The following CDKL4 variants were observed in gnomAD, a reference collection of about 807,000 sequenced individuals.
CDKL4 encodes the protein cyclin dependent kinase like 4.
In CDKL4, 44 loss-of-function variants were observed where a neutral mutation model predicts 42.0. The ratio of observed to expected loss-of-function variants is 1.05; its 90% CI spans 0.82 to 1.35. The LOEUF is 1.35. Ranked by LOEUF, CDKL4 falls within the 40% of genes most tolerant of loss-of-function variation. CDKL4 has a pLI of 0.00. For missense variants in CDKL4, 393 were observed against 369.9 expected (o/e 1.06, Z -0.51); for synonymous variants, 120 against 121.6 (o/e 0.99, Z 0.09).
chr2:39,239,088 C>A lies in CDKL4; in HGVS notation c.-57+4783G>T, dbSNP rs146001265. On this transcript the variant is annotated intron_variant, in intron 1 of 9. Transcript: ENST00000451199. The stretch of plus-strand genomic sequence containing the variant: ...TGACAAAGTTGCTGCAGCAATTCGA[C>A]AAGGAAAGAATAGTCTTTTCAACAA... Among the ~76,000 whole-genome samples, 1,004 of 152,234 alleles carry A rather than the reference C, an allele frequency of 6.6e-3. 10 individuals are homozygous for A. The highest frequency in any genetic ancestry group is 0.023 in the African/African-American group (964 of 41,544).
intron 8 of CDKL4, among the ~76,000 whole-genome samples, chr2:39,182,978 A>G (rs768782960): frequency 5.9e-5 from 9 of 152,076 alleles, no homozygotes; most frequent in Non-Finnish European, 1.2e-4. Flanking sequence ...GCCAGTACTT[A>G]TTTGCCATTA....
chr2:39,228,342 T>C (rs1325783454), intron 2 of CDKL4, among the ~76,000 whole-genome samples: 2 of 152,168 alleles, frequency 1.3e-5, no homozygotes, highest in African/African-American at 4.8e-5. Context: ...TCCTGAAGAC[T>C]GTATCAAGTT....
At position 39,194,957 on chromosome 2, in the gene CDKL4, A is replaced by T. The variant is rs1605947; in HGVS notation, c.455-4455T>A. On this transcript the variant is annotated intron_variant, in intron 5 of 9. Transcript: ENST00000451199. ...CAGCCTGAAACTCTGTATCCTTTAA[A>T]CAACAACTCCCCATTCTCCCTTCCC... Among the ~76,000 whole-genome samples the T allele has an allele frequency of 4.6e-5, 7 of 152,270 alleles. No homozygotes were observed. In the South Asian group the frequency reaches 1.5e-3, roughly 32 times the overall value.
chr2:39,187,150 C>T (rs1384371963), intron 7 of CDKL4, among the ~76,000 whole-genome samples: 1 of 152,068 alleles, frequency 6.6e-6, no homozygotes, highest in Non-Finnish European at 1.5e-5. Context: ...TAGCAGTTTT[C>T]CCTTGTGCCC....
chr2:39,179,878 C>T (rs1675337732), intron 8 of CDKL4, among the ~76,000 whole-genome samples: 2 of 152,144 alleles, frequency 1.3e-5, no homozygotes, highest in Admixed American at 1.3e-4. Context: ...GAAAAATTGA[C>T]TATATATTCA....
intron 5 of CDKL4, among the ~76,000 whole-genome samples, chr2:39,195,274 C>A (rs1188795576): frequency 1.3e-5 from 2 of 152,178 alleles, no homozygotes; most frequent in African/African-American, 4.8e-5. Flanking sequence ...CATTGGCATA[C>A]AAATATCTTC....
At chr2:39,175,698 A>T (rs1423356845) in exon 10 of CDKL4, 1 of 181,790 alleles carries the variant, frequency 5.5e-6, no homozygotes, top group Non-Finnish European at 1.2e-5. Context: ...AAATCAAAGT[A>T]TAAGCTCACA....
At chr2:39,220,518 AG>A (rs1678238905) in intron 3 of CDKL4, among the ~76,000 whole-genome samples, 1 of 152,194 alleles carries the variant, frequency 6.6e-6, no homozygotes, top group South Asian at 2.1e-4. Flanking sequence ...GTTGGACCAG[AG>A]GGGAAGAAAT....
chr2:39,226,780 C>T (rs1358017938), intron 2 of CDKL4, among the ~76,000 whole-genome samples: 1 of 151,916 alleles, frequency 6.6e-6, no homozygotes. Context: ...CACACCAGGA[C>T]ACTTTTTTTT....
chr2:39,189,644 C>T (rs1261101948), intron 6 of CDKL4, among the ~76,000 whole-genome samples: 3 of 152,040 alleles, frequency 2.0e-5, no homozygotes, highest in Non-Finnish European at 4.4e-5. Context: ...CAGCTTGTGA[C>T]CTCAGAATTG....
chr2:39,224,285 T>C (rs191866520), intron 3 of CDKL4, among the ~76,000 whole-genome samples: 1 of 152,264 alleles, frequency 6.6e-6, no homozygotes, highest in African/African-American at 2.4e-5. Flanking sequence ...ACCCTATTGG[T>C]ATTCTGATTA....
At position 39,197,301 on chromosome 2, in the gene CDKL4, A is replaced by T. The variant is rs528844745; in HGVS notation, c.455-6799T>A. Among the ~76,000 whole-genome samples, 3 of 152,332 alleles carry T rather than the reference A, an allele frequency of 2.0e-5. No homozygotes were observed. The East Asian group carries it at 5.8e-4, about 29-fold the overall frequency. ...GACAAAGAAAAAAAGAATTAAAAAAATGAACAAAGCCTCCAAGAAGTTTGG... is the reference window on the plus strand; with the variant it reads ...GACAAAGAAAAAAAGAATTAAAAAATTGAACAAAGCCTCCAAGAAGTTTGG... On this transcript the variant is annotated intron_variant, in intron 5 of 9. Coordinates refer to ENST00000451199, the Ensembl canonical transcript of CDKL4.
intron 1 of CDKL4, among the ~76,000 whole-genome samples, chr2:39,236,406 G>A (rs1283038185): frequency 2.0e-5 from 3 of 152,048 alleles, no homozygotes; most frequent in Non-Finnish European, 4.4e-5. Flanking sequence ...TGAAACAATG[G>A]CCAAAACCTT....
At chr2:39,220,620 C>A (rs898433241) in intron 3 of CDKL4, among the ~76,000 whole-genome samples, 1 of 151,682 alleles carries the variant, frequency 6.6e-6, no homozygotes, top group Admixed American at 6.6e-5. Flanking sequence ...TGGAGTTTCG[C>A]TCTGTCGCCC....
rs371665589 is a variant in CDKL4, at chr2:39,204,530, G to C, written c.451C>G (p.Leu151Val). The C allele has an allele frequency of 5.0e-6, 8 of 1,597,770 alleles. No individual in the cohort carries two copies. The African/African-American group carries it at 8.1e-5, about 16-fold the overall frequency. The stretch of plus-strand genomic sequence containing the variant: ...AGTAAAAAAAATTGCTACTTACTCA[G>C]AATTTGTGCAAACCCGAAGTCACAA... The change falls in exon 5 of 10, where the codon CTG becomes GTG. Residue 151 changes from leucine (L) to valine (V), a missense_variant. Coordinates refer to ENST00000451199, the Ensembl canonical transcript of CDKL4.
chr2:39,217,010 C>T (rs1449415545), intron 3 of CDKL4, among the ~76,000 whole-genome samples: 1 of 152,024 alleles, frequency 6.6e-6, no homozygotes, highest in East Asian at 1.9e-4. Context: ...AGATAGCCAT[C>T]AAAGAGAACC....
chr2:39,230,370 C>T (rs1206185171), intron 1 of CDKL4, among the ~76,000 whole-genome samples: 3 of 152,146 alleles, frequency 2.0e-5, no homozygotes, highest in Admixed American at 6.5e-5. Flanking sequence ...TAACAGAATC[C>T]TTTTAGGGTA....
chr2:39,168,666 C>T, the CDKL4 span, among the ~76,000 whole-genome samples: 5 of 146,300 alleles, frequency 3.4e-5, no homozygotes, highest in East Asian at 4.1e-4. Context: ...ACCCAGGAGG[C>T]GGAGGTTGCA....
At chr2:39,210,141 T>C (rs1677504592) in intron 4 of CDKL4, among the ~76,000 whole-genome samples, 1 of 152,022 alleles carries the variant, frequency 6.6e-6, no homozygotes, top group African/African-American at 2.4e-5. Context: ...CAGGCATGCA[T>C]TGCCATGCCC....
Sources: gnomAD v4.1 joint callset for allele counts (sites outside exome capture counted in the v4.1 genomes callset) on GRCh38, gnomAD v4.1.1 for gene constraint, MANE v1.5 for transcripts, NCBI Gene and HGNC (gene_info 2026-07-23, HGNC 2026-07-21) for gene names.